The following FGD5 variants were observed in gnomAD, a reference collection of about 807,000 sequenced individuals.
FGD5 encodes FYVE, RhoGEF and PH domain containing 5.
A neutral mutation model predicts 133.4 loss-of-function variants in FGD5; 28 were observed. That is an observed-to-expected ratio of 0.21 (90% CI 0.16 to 0.29). The LOEUF (loss-of-function observed/expected upper bound fraction) is 0.29, where lower values mean the gene tolerates loss of function less well. Among genes scored for constraint, FGD5 ranks in the 10% least tolerant of loss-of-function variants. The pLI, the probability that FGD5 is intolerant of heterozygous loss-of-function variation, is 1.00. For missense variants in FGD5, 1,858 were observed against 1,895.2 expected (o/e 0.98, Z 0.36); for synonymous variants, 810 against 776.5 (o/e 1.04, Z -0.72).
At chr3:14,931,803 A>G (rs955366114) in intron 18 of FGD5, 1 of 152,212 alleles carries the variant, frequency 6.6e-6, no homozygotes, top group Admixed American at 6.5e-5. Flanking sequence ...TGAGTATAGA[A>G]TATGTGATCA....
intron 1 of FGD5, among the ~76,000 whole-genome samples, chr3:14,850,358 C>T (rs1027424610): frequency 3.9e-5 from 6 of 152,234 alleles, no homozygotes; most frequent in Non-Finnish European, 8.8e-5. Context: ...CACCCCTGGC[C>T]ATATTCCTAG....
intron 1 of FGD5, among the ~76,000 whole-genome samples, chr3:14,841,461 A>G (rs1049052878): frequency 2.0e-5 from 3 of 151,472 alleles, no homozygotes; most frequent in African/African-American, 7.3e-5. Flanking sequence ...ATTATGGAGG[A>G]TTGATGAGTG....
Position 14,820,592 on chromosome 3 carries a change from G to T in FGD5, c.1521G>T (p.Ser507=), listed in dbSNP as rs1037126516. Residue 507 remains serine (S), a synonymous_variant, in exon 1 of 20, where the codon TCG becomes TCT. Coordinates refer to ENST00000285046, the MANE Select transcript of FGD5 (RefSeq NM_152536.4). The stretch of plus-strand genomic sequence containing the variant: ...AAGAAACCGGACCTGAGGCGGGCTC[G>T]TCAGCCCCTGGCATTGGAGGTGCCG... ...VPEETGPEAG[S]SAPGIGGAAE... is the part of the protein sequence containing the mutation. 1.2e-6 allele frequency: 2 copies of T among 1,608,174 alleles called. No individual in the cohort carries two copies. The highest frequency in any genetic ancestry group is 1.7e-6 in the Non-Finnish European group (2 of 1,176,932).
chr3:14,825,298 T>C (rs560799773), intron 1 of FGD5, among the ~76,000 whole-genome samples: 2 of 152,288 alleles, frequency 1.3e-5, no homozygotes, highest in East Asian at 3.9e-4. Context: ...GGTTTTATCA[T>C]TCTTTAGTTT....
At chr3:14,864,708 C>A (rs1314713045) in intron 2 of FGD5, among the ~76,000 whole-genome samples, 1 of 152,156 alleles carries the variant, frequency 6.6e-6, no homozygotes, top group Non-Finnish European at 1.5e-5. Flanking sequence ...CCTGGCCCTG[C>A]AGCAGTGCTG....
intron 1 of FGD5, among the ~76,000 whole-genome samples, chr3:14,830,233 C>T (rs2036680513): frequency 6.6e-6 from 1 of 152,222 alleles, no homozygotes; most frequent in Non-Finnish European, 1.5e-5. Context: ...ATTATAATCT[C>T]AAAACCATCA....
Position 14,819,401 on chromosome 3 carries a change from C to T in FGD5, c.330C>T (p.Gly110=), listed in dbSNP as rs1394950883. The change falls in exon 1 of 20, where the codon GGC becomes GGT. Residue 110 remains glycine (G), a synonymous_variant. Transcript: ENST00000285046. This position sits in a 1 kb window ranked among gnomAD's most constrained non-coding sequence, Gnocchi z 4.1. ...EEREEGGEAC[G]LEGTGAGEDS... ...GTGAAGAGGGAGGCGAGGCATGTGG[C>T]CTGGAGGGTACAGGAGCTGGTGAGG... The T allele has an allele frequency of 1.3e-6, 2 of 1,549,530 alleles. No homozygotes were observed. Among genetic ancestry groups the T allele is most frequent in the Non-Finnish European group, 1.7e-6 (2 of 1,146,278 alleles).
chr3:14,916,672 C>G (rs1208495733), intron 11 of FGD5, among the ~76,000 whole-genome samples: 1 of 152,238 alleles, frequency 6.6e-6, no homozygotes, highest in Non-Finnish European at 1.5e-5. Context: ...TTTCCAACCT[C>G]CAGAAAGTTC....
chr3:14,877,809 C>T (rs1392026443), intron 2 of FGD5, among the ~76,000 whole-genome samples: 3 of 152,176 alleles, frequency 2.0e-5, no homozygotes, highest in African/African-American at 7.2e-5. Flanking sequence ...TCACCCCAAG[C>T]CCTAGGACAT....
In FGD5 at chr3:14,897,649, G is replaced by A. The variant is rs902752482; in HGVS notation, c.2889G>A (p.Leu963=). Residue 963 remains leucine (L), a synonymous_variant, in exon 5 of 20, where the codon CTG becomes CTA. Coordinates refer to ENST00000285046, the MANE Select transcript of FGD5 (RefSeq NM_152536.4). ...TTCATCAAGGCATCCTGGAGGAGCT[G>A]GAGGAAAGGCTGTCAAATTGGTGAG... ...HDLHQGILEE[L]EERLSNWESQ... is the part of the protein sequence containing the mutation. 2.5e-6 allele frequency: 4 copies of A among 1,604,962 alleles called. No individual in the cohort carries two copies. The South Asian group carries it at 4.5e-5, about 18-fold the overall frequency.
intron 4 of FGD5, among the ~76,000 whole-genome samples, chr3:14,888,578 C>G (rs1376240629): frequency 6.6e-6 from 1 of 152,164 alleles, no homozygotes; most frequent in East Asian, 1.9e-4. Context: ...GTAAAATATG[C>G]ATTCTTTTTT....
chr3:14,844,310 C>T (rs2037002639), intron 1 of FGD5, among the ~76,000 whole-genome samples: 1 of 127,134 alleles, frequency 7.9e-6, no homozygotes, highest in Admixed American at 8.7e-5. Flanking sequence ...GACTCGGATT[C>T]ACTGGGTGTG....
intron 1 of FGD5, among the ~76,000 whole-genome samples, chr3:14,811,596 C>G (rs1231889340): frequency 6.6e-6 from 1 of 152,148 alleles, no homozygotes; most frequent in East Asian, 1.9e-4. Flanking sequence ...CGTTCCTGCT[C>G]TATGAATTTG....
chr3:14,917,160 C>A lies in FGD5; in HGVS notation c.3406-89C>A. 1 of 1,207,164 alleles carries A rather than the reference C, an allele frequency of 8.3e-7. No individual in the cohort carries two copies. The highest frequency in any genetic ancestry group is 1.2e-6 in the Non-Finnish European group (1 of 849,046). 74.8% of individuals were successfully genotyped at this position (1,207,164 alleles called of 1,614,324 possible). On this transcript the variant is annotated intron_variant, in intron 11 of 19. Transcript: ENST00000285046. The surrounding 1 kb of genome is among the most constrained non-coding windows in gnomAD (Gnocchi z 4.1). ...TACTGAGGAATACAAGATGCCTGTG[C>A]ACAGCGGAGCTCAGGGATCCTTTGA...
At chr3:14,897,700 T>A (rs748039471) in intron 5 of FGD5, 31 bp downstream of exon 5, 13 of 1,565,924 alleles carry the variant, frequency 8.3e-6, no homozygotes, top group Non-Finnish European at 1.1e-5. Context: ...CGGGTTCCAC[T>A]TTTGTTGCAC....
intron 18 of FGD5, among the ~76,000 whole-genome samples, chr3:14,926,754 C>T (rs747271734): frequency 3.3e-5 from 5 of 152,120 alleles, no homozygotes; most frequent in African/African-American, 7.2e-5. Flanking sequence ...TAGCAGGGTG[C>T]TGTCTGGCCC....
chr3:14,885,651 G>A (rs1490563531), intron 4 of FGD5, among the ~76,000 whole-genome samples: 1 of 152,192 alleles, frequency 6.6e-6, no homozygotes, highest in African/African-American at 2.4e-5. Context: ...CTGCCTACGC[G>A]AGTTTGGGCT....
chr3:14,826,432 A>C (rs181118677), intron 1 of FGD5, among the ~76,000 whole-genome samples: 2 of 152,306 alleles, frequency 1.3e-5, no homozygotes, highest in African/African-American at 2.4e-5. Flanking sequence ...CTGTGAAAGC[A>C]CCACAGCTAA....
chr3:14,905,275 G>C (rs2038317235), intron 9 of FGD5, among the ~76,000 whole-genome samples: 1 of 152,118 alleles, frequency 6.6e-6, no homozygotes, highest in South Asian at 2.1e-4. Flanking sequence ...TGTGTAATGT[G>C]TCCCTTTTCT....
Sources: gnomAD v4.1 joint callset for allele counts (sites outside exome capture counted in the v4.1 genomes callset) on GRCh38, gnomAD v4.1.1 for gene constraint, Gnocchi (gnomAD v3.1) non-coding constraint, MANE v1.5 for transcripts, NCBI Gene and HGNC (gene_info 2026-07-23, HGNC 2026-07-21) for gene names.